TMEM135: variants seen among roughly 807,000 people sequenced by gnomAD.
TMEM135 encodes the protein transmembrane protein 135, also known as peroxisomal membrane protein 52.
A neutral mutation model predicts 60.3 loss-of-function variants in TMEM135; 30 were observed. That is an observed-to-expected ratio of 0.50 (90% CI 0.37 to 0.68). The LOEUF (loss-of-function observed/expected upper bound fraction) is 0.68, where lower values mean the gene tolerates loss of function less well. Among genes scored for constraint, TMEM135 ranks in the 30% least tolerant of loss-of-function variants. TMEM135 has a pLI of 0.00. For missense variants in TMEM135, 468 were observed against 548.8 expected (o/e 0.85, Z 1.47); for synonymous variants, 190 against 186.7 (o/e 1.02, Z -0.14).
In TMEM135 at chr11:87,322,482, G is replaced by A; in HGVS notation, c.*1149G>A. ...ATAATGAGAGTAGTTCAGGACAGCT[G>A]TGATTGAAATATGGTCGCTATTTAC... On this transcript the variant is annotated 3_prime_UTR_variant, in exon 15 of 15. Coordinates refer to ENST00000305494, the MANE Select transcript of TMEM135 (RefSeq NM_022918.4). 2.2e-6 allele frequency: 1 copy of A among 453,972 alleles called. No homozygotes were observed. Among genetic ancestry groups the A allele is most frequent in the Admixed American group, 2.3e-5 (1 of 42,558 alleles). 28.1% of individuals were successfully genotyped at this position (453,972 alleles called of 1,614,324 possible).
At chr11:87,282,186 A>G (rs1486929020) in intron 6 of TMEM135, among the ~76,000 whole-genome samples, 1 of 152,192 alleles carries the variant, frequency 6.6e-6, no homozygotes, top group Non-Finnish European at 1.5e-5. Context: ...AGTCTTGACC[A>G]ATGGTACACA....
intron 5 of TMEM135, among the ~76,000 whole-genome samples, chr11:87,190,025 T>C (rs1415662808): frequency 6.6e-6 from 1 of 152,232 alleles, no homozygotes; most frequent in Non-Finnish European, 1.5e-5. Context: ...GCACTTTTCT[T>C]TTTAAATCAG....
chr11:87,162,844 A>G (rs1465722601), intron 5 of TMEM135, among the ~76,000 whole-genome samples: 2 of 152,160 alleles, frequency 1.3e-5, no homozygotes, highest in Non-Finnish European at 2.9e-5. Context: ...CCAACAGTGT[A>G]AAAGCATTCC....
At chr11:87,148,075 A>G (rs1938462899) in intron 4 of TMEM135, among the ~76,000 whole-genome samples, 1 of 152,212 alleles carries the variant, frequency 6.6e-6, no homozygotes, top group African/African-American at 2.4e-5. Flanking sequence ...TTTTTAAACA[A>G]AGACATTGTA....
chr11:87,180,245 G>A (rs568064749), intron 5 of TMEM135, among the ~76,000 whole-genome samples: 68 of 152,080 alleles, frequency 4.5e-4, no homozygotes, highest in Non-Finnish European at 8.5e-4. Flanking sequence ...AACTATGCAG[G>A]CATTTAAAAC....
intron 3 of TMEM135, among the ~76,000 whole-genome samples, chr11:87,073,610 C>T (rs1023975423): frequency 6.6e-6 from 1 of 151,878 alleles, no homozygotes; most frequent in African/African-American, 2.4e-5. Flanking sequence ...CCACTGACTG[C>T]GTGATATTCA....
intron 4 of TMEM135, among the ~76,000 whole-genome samples, chr11:87,102,712 A>G (rs7124236): frequency 2.7e-4 from 15 of 55,688 alleles, no homozygotes; most frequent in African/African-American, 5.3e-4. Context: ...ATGTATATAT[A>G]TGTATATATA....
At chr11:87,070,623 A>G (rs1342678589) in intron 2 of TMEM135, among the ~76,000 whole-genome samples, 1 of 147,586 alleles carries the variant, frequency 6.8e-6, no homozygotes, top group African/African-American at 2.6e-5. Flanking sequence ...GCAACAGAGC[A>G]AGACTCCATC....
chr11:87,304,076 C>T (rs1167765588), intron 8 of TMEM135, among the ~76,000 whole-genome samples: 2 of 152,026 alleles, frequency 1.3e-5, no homozygotes, highest in Non-Finnish European at 2.9e-5. Context: ...ACTTCACTAG[C>T]AAAGAAAATT....
intron 3 of TMEM135, among the ~76,000 whole-genome samples, chr11:87,074,346 A>G (rs1342244552): frequency 6.6e-6 from 1 of 152,206 alleles, no homozygotes; most frequent in African/African-American, 2.4e-5. Flanking sequence ...TAAGAGTTAT[A>G]TATGTGTTAA....
Position 87,236,682 on chromosome 11 carries a change from C to G in TMEM135, c.507C>G (p.Phe169Leu). 2 of 1,611,772 alleles carry G rather than the reference C, an allele frequency of 1.2e-6. No homozygotes were observed. The highest frequency in any genetic ancestry group is 1.7e-6 in the Non-Finnish European group (2 of 1,178,476). The change falls in exon 6 of 15, where the codon TTC becomes TTG. Residue 169 changes from phenylalanine (F) to leucine (L), a missense_variant and splice_region_variant. Coordinates refer to ENST00000305494, the MANE Select transcript of TMEM135 (RefSeq NM_022918.4). ...CITAAMYMFFFRCKDGLKGFT... is the reference protein window; with the variant it reads ...CITAAMYMFFLRCKDGLKGFT... ...CAGCTGCCATGTACATGTTCTTTTT[C>G]AGGTATGTTCTGTTATACTTATTTA...
chr11:87,274,893 A>G (rs1206989087), intron 6 of TMEM135, among the ~76,000 whole-genome samples: 1 of 150,096 alleles, frequency 6.7e-6, no homozygotes, highest in African/African-American at 2.4e-5. Context: ...TTATATATAG[A>G]TAAGATGATT....
intron 6 of TMEM135, among the ~76,000 whole-genome samples, chr11:87,257,830 A>G (rs1941559823): frequency 6.6e-6 from 1 of 151,726 alleles, no homozygotes; most frequent in Non-Finnish European, 1.5e-5. Context: ...ACCAGAAACC[A>G]CTGACTGATA....
chr11:87,184,584 A>G (rs1939603580), intron 5 of TMEM135, among the ~76,000 whole-genome samples: 1 of 152,172 alleles, frequency 6.6e-6, no homozygotes, highest in Non-Finnish European at 1.5e-5. Flanking sequence ...AGATATGACA[A>G]ATTGTGTGGA....
chr11:87,098,537 C>A (rs1857381982), intron 4 of TMEM135, among the ~76,000 whole-genome samples: 1 of 151,776 alleles, frequency 6.6e-6, no homozygotes, highest in Non-Finnish European at 1.5e-5. Context: ...TAATCAGAAT[C>A]CAGAAAAATA....
chr11:87,209,920 C>A (rs944476205), intron 5 of TMEM135, among the ~76,000 whole-genome samples: 1 of 152,092 alleles, frequency 6.6e-6, no homozygotes, highest in Non-Finnish European at 1.5e-5. Context: ...TCTTGAATGA[C>A]TTTTGGCTAA....
chr11:87,324,621 A>G lies in TMEM135; in HGVS notation c.*3288A>G, dbSNP rs1199686247. 2 of 439,814 alleles carry G rather than the reference A, an allele frequency of 4.5e-6. No individual in the cohort carries two copies. The highest frequency in any genetic ancestry group is 3.3e-5 in the South Asian group (2 of 60,254). The allele number at this position is 439,814 out of a possible 1,614,324, so 27.2% of individuals were successfully genotyped here. A position where few individuals can be genotyped will look rare whatever the true frequency, so the allele number is the denominator to read the frequency against. On this transcript the variant is annotated 3_prime_UTR_variant, in exon 15 of 15. Transcript: ENST00000305494. ...TATTTATTTTTTTTTTGTAGAAACAAGGTGTTGCTATGTTGTCCAGGCTGG... is the reference window on the plus strand; with the variant it reads ...TATTTATTTTTTTTTTGTAGAAACAGGGTGTTGCTATGTTGTCCAGGCTGG...
intron 4 of TMEM135, among the ~76,000 whole-genome samples, chr11:87,102,694 ATATATATATG>A (rs1252650502): frequency 6.1e-4 from 57 of 92,842 alleles, no homozygotes; most frequent in African/African-American, 1.8e-3. Flanking sequence ...ATGTGTGTGT[ATATATATATG>A]TATATATATG....
chr11:87,108,182 A>T (rs919404240), intron 4 of TMEM135, among the ~76,000 whole-genome samples: 1 of 152,166 alleles, frequency 6.6e-6, no homozygotes, highest in Admixed American at 6.5e-5. Flanking sequence ...AGATGGGTAG[A>T]TTGCAAAAAT....
Sources: allele counts gnomAD v4.1 joint callset (sites outside exome capture counted in the v4.1 genomes callset), GRCh38; gene constraint gnomAD v4.1.1; transcripts MANE v1.5; gene names NCBI Gene and HGNC (gene_info 2026-07-23, HGNC 2026-07-21).